The following RCAN2 variants were observed in gnomAD, a reference collection of about 807,000 sequenced individuals.
The protein encoded by RCAN2 is regulator of calcineurin 2.
RCAN2 carries 9 observed loss-of-function variants against 23.6 expected under a neutral mutation model. The ratio of observed to expected loss-of-function variants is 0.38; its 90% CI spans 0.23 to 0.67. RCAN2 has a LOEUF of 0.67. RCAN2 is among the 30% of genes least tolerant of loss of function. RCAN2 has a pLI of 0.51. For synonymous variants in RCAN2, 109 were observed against 115.7 expected (o/e 0.94, Z 0.37); for missense variants, 273 against 302.3 (o/e 0.90, Z 0.72).
intron 1 of RCAN2, among the ~76,000 whole-genome samples, chr6:46,468,258 G>A (rs1166018993): frequency 6.6e-6 from 1 of 152,162 alleles, no homozygotes; most frequent in Non-Finnish European, 1.5e-5. Flanking sequence ...CTTGAGTTTA[G>A]GATAAGAATA....
intron 2 of RCAN2, among the ~76,000 whole-genome samples, chr6:46,314,444 G>A (rs1176287630): frequency 6.6e-6 from 1 of 150,554 alleles, no homozygotes; most frequent in Non-Finnish European, 1.5e-5. Context: ...TAAGCAGCCA[G>A]AGTAGGTGTG....
intron 2 of RCAN2, among the ~76,000 whole-genome samples, chr6:46,408,484 TC>T (rs1766468548): frequency 6.6e-6 from 1 of 152,208 alleles, no homozygotes; most frequent in South Asian, 2.1e-4. Flanking sequence ...TAGAAGATTC[TC>T]TATGTCATTG....
chr6:46,418,727 AT>A, intron 2 of RCAN2, among the ~76,000 whole-genome samples: 1 of 142,026 alleles, frequency 7.0e-6, no homozygotes, highest in Non-Finnish European at 1.5e-5. Flanking sequence ...ATATATATAT[AT>A]ATACAGTTGC....
At chr6:46,377,650 C>T (rs551406471) in intron 2 of RCAN2, among the ~76,000 whole-genome samples, 1 of 152,276 alleles carries the variant, frequency 6.6e-6, no homozygotes, top group Admixed American at 6.5e-5. Context: ...TAAATGAGAA[C>T]CTTACTTCCT....
At chr6:46,476,726 A>C (rs2150444714) in intron 1 of RCAN2, among the ~76,000 whole-genome samples, 1 of 152,226 alleles carries the variant, frequency 6.6e-6, no homozygotes, top group South Asian at 2.1e-4. Context: ...AGGTTTTTTA[A>C]ACAGCTTACA....
At chr6:46,469,392 C>A (rs182979432) in intron 1 of RCAN2, among the ~76,000 whole-genome samples, 8 of 152,312 alleles carry the variant, frequency 5.3e-5, no homozygotes, top group Non-Finnish European at 1.0e-4. Flanking sequence ...GACCAGTTCA[C>A]CACATCCCTC....
rs372518221 is a variant in RCAN2, at chr6:46,249,158, C to T, written c.226-262G>A. Among the ~76,000 whole-genome samples the T allele has an allele frequency of 7.3e-4, 110 of 151,556 alleles. No individual in the cohort carries two copies. The South Asian group carries it at 0.021, about 29-fold the overall frequency. ...TATATGAAACAAATGGGAAATTACG[C>T]AAAATGTTGAGTATTTCTGTAGAGG... On this transcript the variant is annotated intron_variant, in intron 2 of 4. Transcript: ENST00000371374.
At chr6:46,465,985 A>T (rs946431342) in intron 1 of RCAN2, among the ~76,000 whole-genome samples, 1 of 152,182 alleles carries the variant, frequency 6.6e-6, no homozygotes, top group African/African-American at 2.4e-5. Context: ...CTCTGACTGC[A>T]TTTTTCTTAG....
At chr6:46,250,063 C>T (rs1766657674) in intron 2 of RCAN2, among the ~76,000 whole-genome samples, 1 of 152,098 alleles carries the variant, frequency 6.6e-6, no homozygotes, top group African/African-American at 2.4e-5. Context: ...CTATTAAATG[C>T]TTACTTTGTA....
chr6:46,226,012 A>T (rs1276711689), intron 4 of RCAN2, among the ~76,000 whole-genome samples: 1 of 152,208 alleles, frequency 6.6e-6, no homozygotes, highest in Non-Finnish European at 1.5e-5. Flanking sequence ...ATGGCTAGCC[A>T]GTTTTCTCAG....
intron 1 of RCAN2, among the ~76,000 whole-genome samples, chr6:46,487,629 T>G (rs1582241226): frequency 1.3e-5 from 2 of 152,190 alleles, no homozygotes; most frequent in African/African-American, 4.8e-5. Flanking sequence ...GAAACTCTCA[T>G]AGAGTTAAAG....
chr6:46,395,460 C>T (rs1011856715), intron 2 of RCAN2, among the ~76,000 whole-genome samples: 1 of 152,168 alleles, frequency 6.6e-6, no homozygotes, highest in Non-Finnish European at 1.5e-5. Flanking sequence ...TAAACCAATT[C>T]ACAAATATAA....
chr6:46,281,759 A>G (rs115162221), intron 2 of RCAN2, among the ~76,000 whole-genome samples: 1,893 of 152,300 alleles, frequency 0.012, 41 homozygotes, highest in African/African-American at 0.04. Flanking sequence ...TATGTTGGGC[A>G]TTGTTCCAAA....
rs1211126471 is a variant in RCAN2 at position 46,330,488 on chromosome 6, T to C, written c.226-81592A>G. On this transcript the variant is annotated intron_variant, in intron 2 of 4. Transcript: ENST00000371374. Reference sequence around the variant, plus strand: ...TCCCTAAAAGACAAAGGATTCCTCTTTTGAAATCACAATACGTACCATCAC... The same window carrying C: ...TCCCTAAAAGACAAAGGATTCCTCTCTTGAAATCACAATACGTACCATCAC... Among the ~76,000 whole-genome samples, 3 of 152,206 alleles carry C rather than the reference T, an allele frequency of 2.0e-5. No individual in the cohort carries two copies. In the East Asian group the frequency reaches 5.8e-4, roughly 29 times the overall value.
chr6:46,373,421 C>T (rs898568245), intron 2 of RCAN2, among the ~76,000 whole-genome samples: 7 of 152,060 alleles, frequency 4.6e-5, no homozygotes, highest in Non-Finnish European at 7.4e-5. Context: ...TGCACTACCA[C>T]GCCTAGCTAA....
chr6:46,232,622 A>C (rs1335686284), intron 4 of RCAN2, among the ~76,000 whole-genome samples: 2 of 151,806 alleles, frequency 1.3e-5, no homozygotes, highest in African/African-American at 4.8e-5. Context: ...GGAAACCCCC[A>C]CCTCTACTAA....
chr6:46,283,396 T>C (rs1338876035), intron 2 of RCAN2, among the ~76,000 whole-genome samples: 1 of 152,140 alleles, frequency 6.6e-6, no homozygotes, highest in Non-Finnish European at 1.5e-5. Context: ...TGGGCTGTGA[T>C]TGTACCACTA....
intron 2 of RCAN2, among the ~76,000 whole-genome samples, chr6:46,283,028 G>A (rs569314605): frequency 1.4e-4 from 21 of 152,302 alleles, no homozygotes; most frequent in South Asian, 6.2e-4. Context: ...CTGCCTGACC[G>A]GGGGCTGGCA....
chr6:46,286,464 T>C (rs143863937), intron 2 of RCAN2, among the ~76,000 whole-genome samples: 10 of 152,324 alleles, frequency 6.6e-5, no homozygotes, highest in African/African-American at 1.2e-4. Flanking sequence ...TTCCCACAAA[T>C]GTACTATCTT....
Sources: allele counts gnomAD v4.1 joint callset (sites outside exome capture counted in the v4.1 genomes callset), GRCh38; gene constraint gnomAD v4.1.1; transcripts MANE v1.5; gene names NCBI Gene and HGNC (gene_info 2026-07-23, HGNC 2026-07-21).